Variants in KIF1A observed in about 807,000 individuals in gnomAD.
KIF1A encodes kinesin-like protein KIF1A.
In KIF1A, 46 loss-of-function variants were observed where a neutral mutation model predicts 227.3. The ratio of observed to expected loss-of-function variants is 0.20; its 90% CI spans 0.16 to 0.26. The LOEUF (loss-of-function observed/expected upper bound fraction) is 0.26. KIF1A is among the 10% of genes least tolerant of loss of function. The pLI, the probability that KIF1A is intolerant of heterozygous loss-of-function variation, is 1.00. For missense variants in KIF1A, 1,683 were observed against 2,485.9 expected (o/e 0.68, Z 6.87); for synonymous variants, 1,022 against 1,012.8 (o/e 1.01, Z -0.17).
chr2:240,714,472 C>G lies in KIF1A; in HGVS notation c.*2892G>C, dbSNP rs999515548. 6.6e-6 allele frequency: 1 copy of G among 152,578 alleles called. No individual in the cohort carries two copies. The highest frequency in any genetic ancestry group is 2.4e-5 in the African/African-American group (1 of 41,434). The allele number at this position is 152,578 out of a possible 1,614,324, so 9.5% of individuals were successfully genotyped here. A position where few individuals can be genotyped will look rare whatever the true frequency, so the allele number is the denominator to read the frequency against. ...CCCCAAACCAAAACAAGCCCCCAGA[C>G]TCGGCAGTATAAAGCATTAAATGAA... On this transcript the variant is annotated 3_prime_UTR_variant, in exon 49 of 49. Coordinates refer to ENST00000498729, the MANE Select transcript of KIF1A (RefSeq NM_001244008.2).
intron 38 of KIF1A, among the ~76,000 whole-genome samples, chr2:240,731,923 AGGAGG>A (rs1392136036): frequency 1.5e-4 from 3 of 19,858 alleles, no homozygotes; most frequent in East Asian, 1.5e-3. Flanking sequence ...GGAGGAGGGG[AGGAGG>A]GATGAGGGAT....
chr2:240,783,037 C>CACTCACCATT lies in KIF1A; in HGVS notation c.861_864+6dup. On this transcript the variant is annotated splice_region_variant and intron_variant, in intron 9 of 48. Coordinates refer to ENST00000498729, the MANE Select transcript of KIF1A (RefSeq NM_001244008.2). ...TCTGGCTATGGAAGCCGGGCCGGGC[C>CACTCACCATT]ACTCACCATTTCAGCCAGGGCGGAG... 6.2e-7 allele frequency: 1 copy of CACTCACCATT among 1,611,286 alleles called. No homozygotes were observed. Among genetic ancestry groups the CACTCACCATT allele is most frequent in the Non-Finnish European group, 8.5e-7 (1 of 1,177,684 alleles).
intron 23 of KIF1A, among the ~76,000 whole-genome samples, chr2:240,761,876 AGAG>A (rs1472850334): frequency 7.2e-5 from 11 of 152,046 alleles, no homozygotes; most frequent in Non-Finnish European, 1.0e-4. Context: ...GGCCCACAGG[AGAG>A]GAGGCAGGAG....
At chr2:240,767,438 T>A in intron 17 of KIF1A, 93 bp from the exon 18 acceptor site, 1 of 1,048,884 alleles carries the variant, frequency 9.5e-7, no homozygotes, top group Non-Finnish European at 1.4e-6. Flanking sequence ...GGCACCAGAC[T>A]ACCACCAGGG....
chr2:240,783,674 C>A, intron 8 of KIF1A, 65 bp downstream of exon 8: 1 of 1,335,182 alleles, frequency 7.5e-7, no homozygotes. Context: ...CAGAGCCCTC[C>A]TGCCACCCAC....
chr2:240,778,489 G>A lies in KIF1A; in HGVS notation c.883-2563C>T, dbSNP rs940725485. Among the ~76,000 whole-genome samples, 29 of 135,142 alleles carry A rather than the reference G, an allele frequency of 2.1e-4. No homozygotes were observed. The highest frequency in any genetic ancestry group is 4.7e-5 in the Non-Finnish European group (3 of 64,148). The allele number at this position is 135,142 out of a possible 152,430, so 88.7% of individuals were successfully genotyped here. The stretch of plus-strand genomic sequence containing the variant: ...CCATTTCTCAGAGCTCTCAGCAGGC[G>A]CTCGCAGCTCCCGCACAGCGTTACA... On this transcript the variant is annotated intron_variant, in intron 10 of 48. Coordinates refer to ENST00000498729, the MANE Select transcript of KIF1A (RefSeq NM_001244008.2). The surrounding 1 kb of genome is among the most constrained non-coding windows in gnomAD (Gnocchi z 7.2).
At position 240,786,325 on chromosome 2, in the gene KIF1A, C is replaced by T. The variant is rs768808113; in HGVS notation, c.608+10G>A. ...GAGGGCAGGGAGGTCCAGTGAGTCC[C>T]TCCACCCACCTGGCCTTGTTCCCTG... On this transcript the variant is annotated intron_variant, in intron 6 of 48. Transcript: ENST00000498729. The T allele has an allele frequency of 6.8e-6, 11 of 1,612,838 alleles. No individual in the cohort carries two copies. The South Asian group carries it at 7.7e-5, about 11-fold the overall frequency.
At chr2:240,780,822 A>AGCTC (rs2053634537) in intron 10 of KIF1A, among the ~76,000 whole-genome samples, 1 of 95,628 alleles carries the variant, frequency 1.0e-5, no homozygotes, top group African/African-American at 7.9e-5. Context: ...ACACACACAC[A>AGCTC]CACAGCTCCA....
At chr2:240,802,746 C>T (rs1464424299) in intron 1 of KIF1A, among the ~76,000 whole-genome samples, 1 of 152,212 alleles carries the variant, frequency 6.6e-6, no homozygotes, top group African/African-American at 2.4e-5. Context: ...ATCCTCCTGC[C>T]TCAGCTTCTT....
chr2:240,816,376 T>C (rs1255471782), intron 1 of KIF1A, among the ~76,000 whole-genome samples: 3 of 152,026 alleles, frequency 2.0e-5, no homozygotes, highest in African/African-American at 7.3e-5. Flanking sequence ...TGTATATGCA[T>C]GTGGATCTGT....
intron 37 of KIF1A, among the ~76,000 whole-genome samples, chr2:240,737,747 A>C (rs1040157865): frequency 1.2e-4 from 18 of 152,236 alleles, no homozygotes; most frequent in African/African-American, 4.3e-4. Flanking sequence ...AGCCGTTATC[A>C]GGCAGGAAAA....
intron 27 of KIF1A, among the ~76,000 whole-genome samples, chr2:240,754,311 A>G (rs13399297): frequency 0.013 from 2,022 of 152,084 alleles, 31 homozygotes; most frequent in African/African-American, 0.045. Context: ...GCCCCAGGCC[A>G]CCGGTGGGAC....
rs777728786 is a variant in KIF1A, at chr2:240,736,908, C to A, written c.4007+155G>T. Reference sequence around the variant, plus strand: ...AGCCGGGGGTGCAGAGGCCACCAGCCCCTCACCGCACAGCTCCTGCAGGTG... The same window carrying A: ...AGCCGGGGGTGCAGAGGCCACCAGCACCTCACCGCACAGCTCCTGCAGGTG... On this transcript the variant is annotated intron_variant, in intron 38 of 48. Transcript: ENST00000498729. The surrounding 1 kb of genome is among the most constrained non-coding windows in gnomAD (Gnocchi z 4.7). Among the ~76,000 whole-genome samples, 2 of 152,178 alleles carry A rather than the reference C, an allele frequency of 1.3e-5. No individual in the cohort carries two copies. The highest frequency in any genetic ancestry group is 2.9e-5 in the Non-Finnish European group (2 of 68,042).
chr2:240,732,985 TG>T (rs2125691565), intron 38 of KIF1A, among the ~76,000 whole-genome samples: 1 of 82,422 alleles, frequency 1.2e-5, no homozygotes, highest in South Asian at 4.8e-4. Flanking sequence ...GATGAGGGTA[TG>T]AGGAAGGGAT....
chr2:240,743,909 G>T, intron 33 of KIF1A, 33 bp downstream of exon 33: 1 of 1,387,638 alleles, frequency 7.2e-7, no homozygotes, highest in South Asian at 1.2e-5. Flanking sequence ...TTTGAGGACA[G>T]CAGCCCCGAA....
chr2:240,724,012 C>T lies in KIF1A; in HGVS notation c.4281G>A (p.Glu1427=), dbSNP rs2045703883. ...SESNRVTGVY[E]LSLCHVADAG... ...CGTCAGCCACGTGGCACAGGCTGAG[C>T]TCGTACACACCAGTCACACGGTTAC... The change falls in exon 41 of 49, where the codon GAG becomes GAA. Residue 1427 remains glutamate, a synonymous_variant. Transcript: ENST00000498729. 1 of 1,612,506 alleles carries T rather than the reference C, an allele frequency of 6.2e-7. No individual in the cohort carries two copies.
chr2:240,747,086 C>G (rs2048689473), intron 29 of KIF1A, 150 bp downstream of exon 29: 1 of 591,960 alleles, frequency 1.7e-6, no homozygotes, highest in Admixed American at 2.8e-5. Flanking sequence ...AGAGATGGGG[C>G]AGGCTCAGTG....
Position 240,745,865 on chromosome 2 carries a change from C to A in KIF1A, c.3247G>T (p.Ala1083Ser). 2 of 1,611,756 alleles carry A rather than the reference C, an allele frequency of 1.2e-6. No homozygotes were observed. Among genetic ancestry groups the A allele is most frequent in the East Asian group, 2.2e-5 (1 of 44,832 alleles). The change falls in exon 31 of 49, where the codon GCC becomes TCC. Residue 1083 changes from alanine to serine, a missense_variant. Ala to Ser is a moderately conservative substitution (Grantham distance 99). Around this residue, in one of 12 missense-constraint regions of KIF1A, gnomAD observed 759 missense variants for 1,020.2 expected, o/e 0.74. Transcript: ENST00000498729. ...GLLLDSSEKA[A>S]LDGPLDAALD... ...GCAGCATCCAGGGGCCCATCCAGGG[C>A]GGCTTTCTCAGAGCTGTCTAGGAGG...
intron 34 of KIF1A, among the ~76,000 whole-genome samples, chr2:240,741,870 C>T (rs187933245): frequency 2.3e-4 from 35 of 152,350 alleles, no homozygotes; most frequent in Admixed American, 3.3e-4. Context: ...ACCCTCCACT[C>T]GTGTCCAGCT....
Sources: gnomAD v4.1 joint callset for allele counts (sites outside exome capture counted in the v4.1 genomes callset) on GRCh38, gnomAD v4.1.1 for gene constraint, gnomAD v4.1.1 regional missense constraint, Gnocchi (gnomAD v3.1) non-coding constraint, MANE v1.5 for transcripts, NCBI Gene and HGNC (gene_info 2026-07-23, HGNC 2026-07-21) for gene names.